KLF12: variants seen among roughly 807,000 people sequenced by gnomAD.
KLF12 encodes KLF transcription factor 12.
Under a neutral mutation model 37.8 loss-of-function variants are expected in KLF12, and 9 were observed. That is an observed-to-expected ratio of 0.24 (90% CI 0.14 to 0.42). The LOEUF is 0.42. Among genes scored for constraint, KLF12 ranks in the 10% least tolerant of loss-of-function variants. The probability of loss-of-function intolerance (pLI) is 1.00; values close to 1 mark genes in which losing one functional copy is unlikely to be tolerated. For missense variants in KLF12, 411 were observed against 516.0 expected (o/e 0.80, Z 1.97); for synonymous variants, 208 against 202.1 (o/e 1.03, Z -0.25).
intron 4 of KLF12, among the ~76,000 whole-genome samples, chr13:73,835,988 C>T (rs2138615712): frequency 6.6e-6 from 1 of 151,844 alleles, no homozygotes; most frequent in East Asian, 1.9e-4. Flanking sequence ...ATATTCCTGG[C>T]TTTGTAAATT....
At chr13:73,751,696 C>T (rs1215080555) in intron 6 of KLF12, among the ~76,000 whole-genome samples, 1 of 152,142 alleles carries the variant, frequency 6.6e-6, no homozygotes, top group Non-Finnish European at 1.5e-5. Flanking sequence ...AATGGCTCTT[C>T]CAATGCTAAA....
intron 2 of KLF12, among the ~76,000 whole-genome samples, chr13:73,957,016 GAAAGGA>G: frequency 2.8e-4 from 1 of 3,564 alleles, no homozygotes. Context: ...GAAAGGAAAA[GAAAGGA>G]AAGGAAAGGA....
Position 74,100,345 on chromosome 13 carries a change from C to T in KLF12, c.-32+33394G>A, listed in dbSNP as rs945250855. Among the ~76,000 whole-genome samples, 8 of 152,040 alleles carry T rather than the reference C, an allele frequency of 5.3e-5. 1 individual carries two copies. The highest frequency in any genetic ancestry group is 1.9e-4 in the East Asian group (1 of 5,200). ...AAAATATAATCACAGAAGCTGGGTG[C>T]GGTGTTTCATGCCTGTAATCCTAGC... On this transcript the variant is annotated intron_variant, in intron 1 of 7. Transcript: ENST00000377669.
chr13:74,149,591 G>T, the KLF12 span, among the ~76,000 whole-genome samples: 1 of 152,044 alleles, frequency 6.6e-6, no homozygotes, highest in Non-Finnish European at 1.5e-5. Context: ...CTCACAAATG[G>T]ACTCCGTGCT....
the KLF12 span, among the ~76,000 whole-genome samples, chr13:74,275,795 T>TTTCTTTCC: frequency 7.6e-4 from 65 of 85,694 alleles, no homozygotes; most frequent in South Asian, 1.3e-3. Flanking sequence ...TCTTTCTTTC[T>TTTCTTTCC]TTCTTTCTTT....
intron 6 of KLF12, among the ~76,000 whole-genome samples, chr13:73,721,502 C>T (rs1876252612): frequency 2.0e-5 from 3 of 152,180 alleles, no homozygotes; most frequent in Admixed American, 2.0e-4. Context: ...GATGGGCATT[C>T]AGTACACTTA....
chr13:73,709,539 C>T (rs1378298206), intron 7 of KLF12, among the ~76,000 whole-genome samples: 1 of 152,166 alleles, frequency 6.6e-6, no homozygotes, highest in Non-Finnish European at 1.5e-5. Context: ...AAATCTTATA[C>T]ATAATTATAA....
At chr13:74,268,679 C>T in the KLF12 span, among the ~76,000 whole-genome samples, 1 of 152,110 alleles carries the variant, frequency 6.6e-6, no homozygotes, top group Non-Finnish European at 1.5e-5. Context: ...ATATGCGAGT[C>T]TGGAGAAGAA....
chr13:73,889,967 C>G (rs1286930376), intron 3 of KLF12, among the ~76,000 whole-genome samples: 3 of 151,990 alleles, frequency 2.0e-5, no homozygotes, highest in African/African-American at 4.8e-5. Context: ...ACAAAATGTC[C>G]TCTAAGTAAT....
At chr13:73,979,068 G>A (rs1470926071) in intron 2 of KLF12, among the ~76,000 whole-genome samples, 1 of 152,146 alleles carries the variant, frequency 6.6e-6, no homozygotes, top group Non-Finnish European at 1.5e-5. Context: ...AAACTGCTTT[G>A]TATGAAACTA....
At chr13:74,092,253 C>T (rs1035705369) in intron 1 of KLF12, among the ~76,000 whole-genome samples, 2 of 149,320 alleles carry the variant, frequency 1.3e-5, no homozygotes, top group African/African-American at 5.0e-5. Flanking sequence ...GCCAAGATCA[C>T]ACCACTGCAC....
chr13:73,867,025 T>C (rs7335506), intron 3 of KLF12, among the ~76,000 whole-genome samples: 6,099 of 151,984 alleles, frequency 0.04, 421 homozygotes, highest in African/African-American at 0.14. Flanking sequence ...GAAAATAATA[T>C]TTACACTAAA....
intron 5 of KLF12, among the ~76,000 whole-genome samples, chr13:73,777,189 G>A (rs1446823481): frequency 6.6e-6 from 1 of 152,184 alleles, no homozygotes; most frequent in East Asian, 1.9e-4. Flanking sequence ...CAGGCGTGGA[G>A]AGGCAGCCAG....
At chr13:73,811,220 A>G (rs1025191384) in intron 5 of KLF12, among the ~76,000 whole-genome samples, 3 of 151,676 alleles carry the variant, frequency 2.0e-5, no homozygotes, top group Admixed American at 6.6e-5. Context: ...TCCTGACATC[A>G]TGATCAGCCC....
intron 7 of KLF12, among the ~76,000 whole-genome samples, chr13:73,697,113 A>ACACAC (rs1555293511): frequency 6.6e-6 from 1 of 150,710 alleles, no homozygotes; most frequent in Non-Finnish European, 1.5e-5. Flanking sequence ...ACACACACAC[A>ACACAC]AATACACACA....
intron 3 of KLF12, among the ~76,000 whole-genome samples, chr13:73,918,935 T>G: frequency 6.6e-6 from 1 of 152,222 alleles, no homozygotes; most frequent in Non-Finnish European, 1.5e-5. Flanking sequence ...TCATTACCTC[T>G]GAATTGAGTT....
Position 73,831,893 on chromosome 13 carries a change from G to T in KLF12, c.670+13934C>A, listed in dbSNP as rs1017770507. Among the ~76,000 whole-genome samples the T allele has an allele frequency of 2.6e-5, 4 of 152,214 alleles. 1 individual carries two copies. Among genetic ancestry groups the T allele is most frequent in the African/African-American group, 9.6e-5 (4 of 41,462 alleles). Reference sequence around the variant, plus strand: ...TATTGGGCATCCATAAAAATCTACTGAGAAGACATTTTGGGGAACCCAAGT... The same window carrying T: ...TATTGGGCATCCATAAAAATCTACTTAGAAGACATTTTGGGGAACCCAAGT... On this transcript the variant is annotated intron_variant, in intron 4 of 7. Transcript: ENST00000377669.
intron 3 of KLF12, among the ~76,000 whole-genome samples, chr13:73,908,000 C>T (rs1444729653): frequency 6.6e-6 from 1 of 152,118 alleles, no homozygotes; most frequent in Non-Finnish European, 1.5e-5. Flanking sequence ...TGCCCACTTG[C>T]CTGGAATGAG....
chr13:73,944,023 C>A lies in KLF12; in HGVS notation c.81G>T (p.Pro27=), dbSNP rs150352924. Reference sequence around the variant, plus strand: ...AAAGCTCTGTTTTGACTCTGACTGCCGGCATCCCATCAAGCATTAACATTC... The same window carrying A: ...AAAGCTCTGTTTTGACTCTGACTGCAGGCATCCCATCAAGCATTAACATTC... Residue 27 remains proline (P), a synonymous_variant, in exon 3 of 8, where the codon CCG becomes CCT. Transcript: ENST00000377669. 6.2e-7 allele frequency: 1 copy of A among 1,612,824 alleles called. No homozygotes were observed. Among genetic ancestry groups the A allele is most frequent in the Non-Finnish European group, 8.5e-7 (1 of 1,179,344 alleles).
Sources: gnomAD v4.1 joint callset for allele counts (sites outside exome capture counted in the v4.1 genomes callset) on GRCh38, gnomAD v4.1.1 for gene constraint, MANE v1.5 for transcripts, NCBI Gene and HGNC (gene_info 2026-07-23, HGNC 2026-07-21) for gene names.